GOLGB1: variants seen among roughly 807,000 people sequenced by gnomAD.
GOLGB1 encodes golgin B1.
A neutral mutation model predicts 336.9 loss-of-function variants in GOLGB1; 174 were observed. The ratio of observed to expected loss-of-function variants is 0.52; its 90% confidence interval spans 0.46 to 0.59. GOLGB1 has a LOEUF of 0.59. Ranked by LOEUF, GOLGB1 falls within the 20% of genes least tolerant of loss-of-function variation. GOLGB1 has a pLI of 0.00. For missense variants in GOLGB1, 3,331 were observed against 3,645.3 expected, an observed-to-expected ratio of 0.91 and a Z score of 2.22; for synonymous variants, 1,208 against 1,289.2, an observed-to-expected ratio of 0.94 and a Z score of 1.35.
At chr3:121,721,932 G>A (rs1047031067) in intron 6 of GOLGB1, among the ~76,000 whole-genome samples, 2 of 152,122 alleles carry the variant, frequency 1.3e-5, no homozygotes, top group African/African-American at 4.8e-5. Context: ...AACTCAGCAT[G>A]AGTCCATTCC....
At chr3:121,666,622 A>T (rs1938653732) in intron 20 of GOLGB1, among the ~76,000 whole-genome samples, 1 of 152,172 alleles carries the variant, frequency 6.6e-6, no homozygotes, top group Non-Finnish European at 1.5e-5. Context: ...CTCAAGTAAG[A>T]CCTGCTCAAT....
rs2107856863 is a variant in GOLGB1, at chr3:121,697,459, C to G, written c.3064G>C (p.Ala1022Pro). Residue 1022 changes from alanine (A) to proline (P), a missense_variant, in exon 13 of 22, where the codon GCC becomes CCC. Transcript: ENST00000614479. ...TTCTTAGATTCATCTTTCAAGTTGG[C>G]TAATTCTTCTTCCAATCTACTGACT... ...QRVSRLEEEL[A>P]NLKDESKKEI... 1 of 1,611,346 alleles carries G rather than the reference C, an allele frequency of 6.2e-7. No individual in the cohort carries two copies. The highest frequency in any genetic ancestry group is 1.7e-4 in the Middle Eastern group (1 of 6,038).
chr3:121,723,248 G>A (rs1945320217), intron 5 of GOLGB1, among the ~76,000 whole-genome samples: 1 of 151,948 alleles, frequency 6.6e-6, no homozygotes, highest in Non-Finnish European at 1.5e-5. Flanking sequence ...CTTTGTTTTG[G>A]CATGACTATA....
Position 121,664,386 on chromosome 3 carries a change from TGG to T in GOLGB1, c.*92_*93del, listed in dbSNP as rs1938291078. On this transcript the variant is annotated 3_prime_UTR_variant, in exon 22 of 22. Coordinates refer to ENST00000614479, the MANE Select transcript of GOLGB1 (RefSeq NM_001366282.2). ...AAGAGTTGGAGAGAAGACCTGTAAA[TGG>T]GAAGACTGTTCCACTGGAATTGATG... The T allele has an allele frequency of 1.8e-6, 2 of 1,126,622 alleles. No individual in the cohort carries two copies. The highest frequency in any genetic ancestry group is 2.7e-6 in the Non-Finnish European group (2 of 745,926). The allele number at this position is 1,126,622 out of a possible 1,614,324, so 69.8% of individuals were successfully genotyped here.
chr3:121,666,641 C>T (rs1038583354), intron 20 of GOLGB1, among the ~76,000 whole-genome samples: 6 of 152,208 alleles, frequency 3.9e-5, no homozygotes, highest in African/African-American at 1.2e-4. Flanking sequence ...ATGGGGCTGT[C>T]ACCTCTGCCA....
chr3:121,663,402 G>C lies in GOLGB1; in HGVS notation c.*1078C>G, dbSNP rs1334313282. ...CCAACTGGTAGGATGGGGGAGGGGA[G>C]GGGAGGCAGGGAATAGGCACAAATG... On this transcript the variant is annotated 3_prime_UTR_variant, in exon 22 of 22. Coordinates refer to ENST00000614479, the MANE Select transcript of GOLGB1 (RefSeq NM_001366282.2). 1 of 152,336 alleles carries C rather than the reference G, an allele frequency of 6.6e-6. No homozygotes were observed. The highest frequency in any genetic ancestry group is 1.9e-4 in the East Asian group (1 of 5,184). The allele number at this position is 152,336 out of a possible 1,614,324, so 9.4% of individuals were successfully genotyped here. A position where few individuals can be genotyped will look rare whatever the true frequency, so the allele number is the denominator to read the frequency against.
chr3:121,679,308 T>G (rs1940790053), intron 15 of GOLGB1, among the ~76,000 whole-genome samples: 1 of 152,292 alleles, frequency 6.6e-6, no homozygotes, highest in South Asian at 2.1e-4. Context: ...AGATAAGGAA[T>G]ACTTAACCTG....
At chr3:121,713,576 A>C (rs987556963) in intron 10 of GOLGB1, among the ~76,000 whole-genome samples, 2 of 152,190 alleles carry the variant, frequency 1.3e-5, no homozygotes, top group Non-Finnish European at 2.9e-5. Context: ...AGGCAAAATT[A>C]ATCTATGGTG....
At chr3:121,689,460 G>A (rs1235447431) in intron 14 of GOLGB1, among the ~76,000 whole-genome samples, 4 of 121,686 alleles carry the variant, frequency 3.3e-5, no homozygotes, top group South Asian at 3.0e-4. Context: ...CAGCATGCTC[G>A]TTAAGAGTCA....
At chr3:121,724,907 G>A (rs1919557) in intron 5 of GOLGB1, among the ~76,000 whole-genome samples, 1 of 152,176 alleles carries the variant, frequency 6.6e-6, no homozygotes, top group East Asian at 1.9e-4. Context: ...CAAAGCAGCC[G>A]CAGGTATGGC....
chr3:121,682,639 G>A (rs1941210830), intron 14 of GOLGB1, among the ~76,000 whole-genome samples: 1 of 152,118 alleles, frequency 6.6e-6, no homozygotes, highest in South Asian at 2.1e-4. Flanking sequence ...CTCATTAAAA[G>A]CTTAGTAAGG....
chr3:121,708,956 G>A (rs906124767), intron 10 of GOLGB1, among the ~76,000 whole-genome samples: 1 of 152,038 alleles, frequency 6.6e-6, no homozygotes, highest in African/African-American at 2.4e-5. Flanking sequence ...ACTATATGTT[G>A]CCTTCAAGAC....
chr3:121,746,671 G>C (rs1191045976), intron 1 of GOLGB1, among the ~76,000 whole-genome samples: 1 of 152,030 alleles, frequency 6.6e-6, no homozygotes, highest in South Asian at 2.1e-4. Flanking sequence ...TAGAGACAGG[G>C]GTTTCACCAT....
chr3:121,711,092 G>C (rs987827107), intron 10 of GOLGB1, among the ~76,000 whole-genome samples: 1 of 152,164 alleles, frequency 6.6e-6, no homozygotes, highest in East Asian at 1.9e-4. Context: ...TACCTGGGAG[G>C]CTGAGGCAGG....
chr3:121,747,150 TTA>T (rs548032779), intron 1 of GOLGB1, among the ~76,000 whole-genome samples: 2,941 of 49,084 alleles, frequency 0.06, 71 homozygotes, highest in East Asian at 0.084. Context: ...TACATGGATG[TTA>T]TATATATATA....
At chr3:121,701,242 T>C (rs1943380341) in intron 11 of GOLGB1, among the ~76,000 whole-genome samples, 1 of 152,142 alleles carries the variant, frequency 6.6e-6, no homozygotes, top group African/African-American at 2.4e-5. Context: ...ACCCATATAA[T>C]ACCTCCAAAC....
chr3:121,682,529 A>C (rs1458241573), intron 14 of GOLGB1, among the ~76,000 whole-genome samples: 3 of 152,212 alleles, frequency 2.0e-5, no homozygotes, highest in South Asian at 2.1e-4. Context: ...AAATTAATGC[A>C]CTTCACACAT....
In GOLGB1 at chr3:121,727,293, CATATATAT is replaced by C. The variant is rs1235174337; in HGVS notation, c.403-260_403-253del. Among the ~76,000 whole-genome samples, 272 of 27,576 alleles carry C rather than the reference CATATATAT, an allele frequency of 9.9e-3. 2 individuals carry two copies. Among genetic ancestry groups the C allele is most frequent in the Admixed American group, 0.018 (22 of 1,236 alleles). The allele number at this position is 27,576 out of a possible 152,430, so 18.1% of individuals were successfully genotyped here. On this transcript the variant is annotated intron_variant, in intron 4 of 21. Transcript: ENST00000614479. ...ACTGTGAAATACATACACACACACA[CATATATAT>C]ATATATATATATATATATATTTTTT...
Position 121,747,812 on chromosome 3 carries a change from TA to T in GOLGB1, c.-3+1819del, listed in dbSNP as rs199934757. Among the ~76,000 whole-genome samples the T allele has an allele frequency of 1.6e-3, 239 of 152,278 alleles. 3 individuals are homozygous for T. In the East Asian group the frequency reaches 0.038, roughly 24 times the overall value. ...AGATAGAAAAGAAAAAGACTTTTTT[TA>T]CATTGTATCCTTCTGTATTAAATTT... On this transcript the variant is annotated intron_variant, in intron 1 of 21. Coordinates refer to ENST00000614479, the MANE Select transcript of GOLGB1 (RefSeq NM_001366282.2).
Sources: allele counts gnomAD v4.1 joint callset (sites outside exome capture counted in the v4.1 genomes callset), GRCh38; gene constraint gnomAD v4.1.1; transcripts MANE v1.5; gene names NCBI Gene and HGNC (gene_info 2026-07-23, HGNC 2026-07-21).